The following UNC13B variants were observed in gnomAD, a reference collection of about 807,000 sequenced individuals.
UNC13B encodes the protein unc-13 homolog B.
In UNC13B, 144 loss-of-function variants were observed where a neutral mutation model predicts 211.0. The ratio of observed to expected loss-of-function variants is 0.68; its 90% CI spans 0.60 to 0.78. The LOEUF (loss-of-function observed/expected upper bound fraction) is 0.78, where lower values mean the gene tolerates loss of function less well. UNC13B is among the 30% of genes least tolerant of loss of function. The pLI is 0.00. For synonymous variants in UNC13B, 709 were observed against 725.8 expected (o/e 0.98, Z 0.37); for missense variants, 1,777 against 2,002.0 (o/e 0.89, Z 2.14).
At position 35,403,749 on chromosome 9, in the gene UNC13B, C is replaced by T; in HGVS notation, c.12739C>T (p.Leu4247Phe). ...APKYNETFHF[L>F]LGNEEGPESY... is the part of the protein sequence containing the mutation. Reference sequence around the variant, plus strand: ...ATAACTTCTATCTTGTGCTCACAGCCTCCTGGGAAATGAGGAGGGGCCCGA... The same window carrying T: ...ATAACTTCTATCTTGTGCTCACAGCTTCCTGGGAAATGAGGAGGGGCCCGA... Residue 4247 changes from leucine (L) to phenylalanine (F), a missense_variant and splice_region_variant, in exon 40 of 40, where the codon CTC becomes TTC. Physicochemically the swap from Leu to Phe is conservative, Grantham distance 22. Transcript: ENST00000635942. 2 of 1,614,012 alleles carry T rather than the reference C, an allele frequency of 1.2e-6. No homozygotes were observed. The highest frequency in any genetic ancestry group is 1.7e-6 in the Non-Finnish European group (2 of 1,179,950).
intron 5 of UNC13B, among the ~76,000 whole-genome samples, chr9:35,239,005 C>T (rs1178228958): frequency 1.3e-5 from 2 of 150,428 alleles, no homozygotes; most frequent in South Asian, 2.1e-4. Flanking sequence ...AGTAGAATTG[C>T]TGGATCAAAG....
In UNC13B at chr9:35,358,991, C is replaced by T. The variant is rs190706876; in HGVS notation, c.9415-7956C>T. 2.2e-3 allele frequency among the ~76,000 whole-genome samples: 333 copies of T among 152,088 alleles called. 2 individuals are homozygous for T. Among genetic ancestry groups the T allele is most frequent in the African/African-American group, 7.6e-3 (314 of 41,484 alleles). ...CTGGGATTAGAGGCTTGAGCCACCA[C>T]GCCCAGCCAGTTTTGAGTTAATTTT... is the stretch of plus-strand genomic sequence containing the variant. On this transcript the variant is annotated intron_variant, in intron 11 of 39. Transcript: ENST00000635942.
chr9:35,226,316 T>C (rs1309653505), intron 1 of UNC13B, among the ~76,000 whole-genome samples: 1 of 152,204 alleles, frequency 6.6e-6, no homozygotes, highest in Non-Finnish European at 1.5e-5. Context: ...AAAGAACCTG[T>C]ATTAGTCAAG....
chr9:35,259,078 C>T (rs772832402), intron 7 of UNC13B, 28 bp downstream of exon 7: 1 of 1,611,310 alleles, frequency 6.2e-7, no homozygotes, highest in South Asian at 1.1e-5. Flanking sequence ...CTATGAATCT[C>T]TTTTAATTGT....
At chr9:35,178,917 T>A (rs1287097564) in intron 1 of UNC13B, among the ~76,000 whole-genome samples, 1 of 148,954 alleles carries the variant, frequency 6.7e-6, no homozygotes, top group Non-Finnish European at 1.5e-5. Context: ...AAAGACAATG[T>A]CTCACCATCT....
chr9:35,306,024 C>G lies in UNC13B; in HGVS notation c.6620C>G (p.Ala2207Gly). Residue 2207 changes from alanine to glycine, a missense_variant, in exon 9 of 40, where the codon GCC (alanine) becomes GGC (glycine). Ala to Gly is a moderately conservative substitution (Grantham distance 60, BLOSUM62 0). Transcript: ENST00000635942. ...STASSSIKKD[A>G]SHSSSTFSFF... is the part of the protein sequence containing the mutation. ...GCTAGCTCAAGCATTAAGAAGGATG[C>G]CTCTCATAGTAGTTCTACTTTTAGT... is the stretch of plus-strand genomic sequence containing the variant. The G allele has an allele frequency of 2.5e-6, 1 of 399,006 alleles. No homozygotes were observed. Among genetic ancestry groups the G allele is most frequent in the Non-Finnish European group, 4.4e-6 (1 of 226,054 alleles). 24.7% of individuals were successfully genotyped at this position (399,006 alleles called of 1,614,324 possible).
At position 35,279,688 on chromosome 9, in the gene UNC13B, G is replaced by C. The variant is rs567104971; in HGVS notation, c.527-16008G>C. Among the ~76,000 whole-genome samples the C allele has an allele frequency of 1.3e-5, 2 of 152,244 alleles. 1 individual carries two copies. Among genetic ancestry groups the C allele is most frequent in the South Asian group, 4.1e-4 (2 of 4,822 alleles). On this transcript the variant is annotated intron_variant, in intron 7 of 39. Transcript: ENST00000635942. ...CTGTTGGATGAATAGCTAAAAGTGC[G>C]ATTGCTGGGCCAAAGCATTGTACAT...
Position 35,400,408 on chromosome 9 carries a change from T to C in UNC13B, c.12449T>C (p.Leu4150Pro). The change falls in exon 37 of 40, where the codon CTC becomes CCC. Residue 4150 changes from leucine to proline, a missense_variant. Physicochemically the swap from Leu to Pro is moderately conservative, Grantham distance 98. Transcript: ENST00000635942. ...LSLYTQTTDT[L>P]IKTFVRSQTT... The stretch of plus-strand genomic sequence containing the variant: ...CTGTACACACAGACTACTGACACTC[T>C]CATCAAGACCTTTGTGCGCTCGCAG... 6.2e-7 allele frequency: 1 copy of C among 1,613,932 alleles called. No homozygotes were observed. Among genetic ancestry groups the C allele is most frequent in the Non-Finnish European group, 8.5e-7 (1 of 1,179,896 alleles).
chr9:35,256,244 C>A (rs1826872790), intron 6 of UNC13B, among the ~76,000 whole-genome samples: 1 of 152,108 alleles, frequency 6.6e-6, no homozygotes, highest in Non-Finnish European at 1.5e-5. Context: ...ATTTCAGGAT[C>A]TCATCCAGGA....
At chr9:35,202,494 G>T (rs1044514731) in intron 1 of UNC13B, among the ~76,000 whole-genome samples, 33 of 152,230 alleles carry the variant, frequency 2.2e-4, no homozygotes, top group African/African-American at 7.7e-4. Context: ...AAGTCTCTTT[G>T]TAGGTCTCTA....
intron 12 of UNC13B, among the ~76,000 whole-genome samples, chr9:35,367,227 C>A (rs1438712648): frequency 6.6e-6 from 1 of 152,106 alleles, no homozygotes; most frequent in African/African-American, 2.4e-5. Flanking sequence ...GGGGAGGGAG[C>A]TTTGGGGCCT....
At chr9:35,162,513 C>G (rs1156761395) in intron 1 of UNC13B, among the ~76,000 whole-genome samples, 1 of 152,218 alleles carries the variant, frequency 6.6e-6, no homozygotes, top group Non-Finnish European at 1.5e-5. Flanking sequence ...GATTAGCTCT[C>G]CATTCTGGTA....
intron 1 of UNC13B, among the ~76,000 whole-genome samples, chr9:35,203,938 C>T (rs1823484167): frequency 6.6e-6 from 1 of 152,252 alleles, no homozygotes. Flanking sequence ...GAAGGCGTTT[C>T]AGAGAACTTT....
chr9:35,336,866 T>C (rs1477799181), intron 11 of UNC13B, among the ~76,000 whole-genome samples: 1 of 152,226 alleles, frequency 6.6e-6, no homozygotes, highest in Non-Finnish European at 1.5e-5. Context: ...TTTACAAGTC[T>C]TATCTTCTGA....
intron 1 of UNC13B, among the ~76,000 whole-genome samples, chr9:35,169,977 G>C (rs1310410370): frequency 1.3e-5 from 2 of 152,098 alleles, no homozygotes; most frequent in East Asian, 3.9e-4. Context: ...TTGTAGATAA[G>C]AGGCCACGGA....
Position 35,285,761 on chromosome 9 carries a change from A to G in UNC13B, c.527-9935A>G, listed in dbSNP as rs551170501. Among the ~76,000 whole-genome samples, 3 of 152,314 alleles carry G rather than the reference A, an allele frequency of 2.0e-5. No individual in the cohort carries two copies. In the East Asian group the frequency reaches 5.8e-4, roughly 29 times the overall value. On this transcript the variant is annotated intron_variant, in intron 7 of 39. Transcript: ENST00000635942. ...TGTAATAATTCAGAATAATTCTGTA[A>G]TCTCTAATAATTCATAAGGTAATAA...
intron 11 of UNC13B, among the ~76,000 whole-genome samples, chr9:35,364,299 C>T (rs1248593898): frequency 6.6e-6 from 1 of 151,988 alleles, no homozygotes; most frequent in Non-Finnish European, 1.5e-5. Flanking sequence ...TAGATTTTGT[C>T]CCTTGATTTA....
intron 14 of UNC13B, 73 bp from the exon 15 acceptor site, chr9:35,375,955 G>C (rs1184023115): frequency 1.0e-5 from 15 of 1,484,876 alleles, no homozygotes; most frequent in Non-Finnish European, 1.4e-5. Context: ...ACTCCAGCCT[G>C]GGCAACAGAG....
chr9:35,381,793 G>A, intron 20 of UNC13B, 74 bp downstream of exon 20: 1 of 1,564,652 alleles, frequency 6.4e-7, no homozygotes, highest in Non-Finnish European at 8.7e-7. Flanking sequence ...CTGACATGGT[G>A]GGCAGGTCCT....
Sources: allele counts gnomAD v4.1 joint callset (sites outside exome capture counted in the v4.1 genomes callset), GRCh38; gene constraint gnomAD v4.1.1; transcripts MANE v1.5; gene names NCBI Gene and HGNC (gene_info 2026-07-23, HGNC 2026-07-21).